PPP1R12A: variants seen among roughly 807,000 people sequenced by gnomAD.
PPP1R12A encodes myosin binding subunit.
A neutral mutation model predicts 139.6 loss-of-function variants in PPP1R12A; 19 were observed. The observed-to-expected ratio is 0.14, with a 90% CI of 0.09 to 0.20. PPP1R12A has a LOEUF of 0.20. Ranked by LOEUF, PPP1R12A falls within the 10% of genes least tolerant of loss-of-function variation. The probability of loss-of-function intolerance (pLI) is 1.00; values close to 1 mark genes in which losing one functional copy is unlikely to be tolerated. For missense variants in PPP1R12A, 925 were observed against 1,211.5 expected, an observed-to-expected ratio of 0.76 and a Z score of 3.51; for synonymous variants, 427 against 420.6, an observed-to-expected ratio of 1.02 and a Z score of -0.19.
At chr12:79,842,761 A>G (rs1878892282) in intron 3 of PPP1R12A, among the ~76,000 whole-genome samples, 1 of 152,070 alleles carries the variant, frequency 6.6e-6, no homozygotes, top group Non-Finnish European at 1.5e-5. Flanking sequence ...GCTGGAGCAC[A>G]GTGATGTGAT....
chr12:79,911,085 C>A (rs1886527774), intron 1 of PPP1R12A, among the ~76,000 whole-genome samples: 1 of 152,006 alleles, frequency 6.6e-6, no homozygotes, highest in African/African-American at 2.4e-5. Context: ...TTTACCCCTA[C>A]TACCAAATTA....
intron 11 of PPP1R12A, among the ~76,000 whole-genome samples, 194 bp from the exon 12 acceptor site, chr12:79,807,524 T>G (rs935124376): frequency 2.6e-5 from 4 of 151,850 alleles, no homozygotes; most frequent in African/African-American, 9.7e-5. Context: ...TTCCCCTAAG[T>G]ATGGGGGAAA....
At chr12:79,799,897 T>C (rs1027337555) in intron 14 of PPP1R12A, among the ~76,000 whole-genome samples, 1 of 152,018 alleles carries the variant, frequency 6.6e-6, no homozygotes, top group African/African-American at 2.4e-5. Flanking sequence ...TACTCCCAGT[T>C]ACTCGGGAGG....
chr12:79,860,416 C>G (rs1881188272), intron 2 of PPP1R12A, among the ~76,000 whole-genome samples: 1 of 152,092 alleles, frequency 6.6e-6, no homozygotes, highest in Non-Finnish European at 1.5e-5. Context: ...ATAATGAATA[C>G]TACACAGTGG....
intron 2 of PPP1R12A, among the ~76,000 whole-genome samples, chr12:79,855,732 T>G (rs1880572320): frequency 6.6e-6 from 1 of 151,806 alleles, no homozygotes; most frequent in African/African-American, 2.4e-5. Flanking sequence ...ACATTTACAG[T>G]TAAGTGAGAT....
At chr12:79,872,986 T>A (rs1882724467) in intron 1 of PPP1R12A, 48 bp from the exon 2 acceptor site, 6 of 1,551,624 alleles carry the variant, frequency 3.9e-6, no homozygotes, top group Non-Finnish European at 5.3e-6. Flanking sequence ...GAATTAACAC[T>A]CCAAATAATA....
At chr12:79,853,805 T>G (rs1255331408) in intron 2 of PPP1R12A, among the ~76,000 whole-genome samples, 1 of 152,264 alleles carries the variant, frequency 6.6e-6, no homozygotes, top group Non-Finnish European at 1.5e-5. Context: ...GCAAAAGTAC[T>G]ACTTATTGTT....
intron 14 of PPP1R12A, among the ~76,000 whole-genome samples, chr12:79,804,594 T>A (rs140884739): frequency 0.012 from 1,810 of 152,180 alleles, 37 homozygotes; most frequent in African/African-American, 0.042. Context: ...ACTCTGTATG[T>A]AAGTACTACG....
intron 22 of PPP1R12A, among the ~76,000 whole-genome samples, chr12:79,783,287 G>A (rs573156289): frequency 2.4e-4 from 27 of 114,600 alleles, no homozygotes; most frequent in South Asian, 8.3e-4. Flanking sequence ...GTGAAACCCC[G>A]TCTCTACCAA....
chr12:79,931,616 A>T (rs1478533123), intron 1 of PPP1R12A, among the ~76,000 whole-genome samples: 1 of 152,228 alleles, frequency 6.6e-6, no homozygotes, highest in Non-Finnish European at 1.5e-5. Context: ...AAATATGCTA[A>T]AATAGAGATA....
intron 1 of PPP1R12A, among the ~76,000 whole-genome samples, chr12:79,907,612 A>C (rs1429169793): frequency 6.6e-6 from 1 of 152,178 alleles, no homozygotes; most frequent in Admixed American, 6.5e-5. Flanking sequence ...TATAAAAATA[A>C]ATCTGTTCAG....
intron 2 of PPP1R12A, among the ~76,000 whole-genome samples, chr12:79,869,956 T>C (rs1055575527): frequency 1.3e-5 from 2 of 151,124 alleles, no homozygotes; most frequent in Non-Finnish European, 2.9e-5. Context: ...CTTTCATGCC[T>C]ATAAAACACT....
In PPP1R12A at chr12:79,925,275, T is replaced by C. The variant is rs78203554; in HGVS notation, c.237+9420A>G. Among the ~76,000 whole-genome samples, 829 of 152,308 alleles carry C rather than the reference T, an allele frequency of 5.4e-3. 5 individuals are homozygous for C. The highest frequency in any genetic ancestry group is 0.019 in the African/African-American group (788 of 41,550). ...GCATACGTGTACGTGTGTGTGTGTGTGTGTGTAACAGTCCATGAAAATATA... is the reference window on the plus strand; with the variant it reads ...GCATACGTGTACGTGTGTGTGTGTGCGTGTGTAACAGTCCATGAAAATATA... On this transcript the variant is annotated intron_variant, in intron 1 of 24. Transcript: ENST00000450142.
At chr12:79,828,923 A>C (rs1877099286) in intron 4 of PPP1R12A, among the ~76,000 whole-genome samples, 1 of 152,194 alleles carries the variant, frequency 6.6e-6, no homozygotes, top group Admixed American at 6.6e-5. Context: ...GGAATCAAAG[A>C]AACTTGTTTT....
intron 8 of PPP1R12A, chr12:79,819,372 G>T (rs971186250): frequency 1.3e-5 from 2 of 152,070 alleles, no homozygotes; most frequent in Non-Finnish European, 2.9e-5. Context: ...ATAGTTCCTT[G>T]GTGTCTAACA....
At chr12:79,807,366 A>T in intron 11 of PPP1R12A, 36 bp from the exon 12 acceptor site, 1 of 1,307,582 alleles carries the variant, frequency 7.6e-7, no homozygotes, top group Non-Finnish European at 1.1e-6. Context: ...CTGGTACATA[A>T]TTTTAAAATA....
chr12:79,801,937 C>T (rs556056144), intron 14 of PPP1R12A, among the ~76,000 whole-genome samples: 1 of 152,128 alleles, frequency 6.6e-6, no homozygotes, highest in Non-Finnish European at 1.5e-5. Context: ...AAAATTCCAT[C>T]ACTATTATAC....
chr12:79,871,877 T>C (rs1406666656), intron 2 of PPP1R12A, among the ~76,000 whole-genome samples: 1 of 152,168 alleles, frequency 6.6e-6, no homozygotes. Flanking sequence ...CCTCAGTTTA[T>C]ATACAAAGAA....
At chr12:79,868,068 A>G (rs1032440764) in intron 2 of PPP1R12A, among the ~76,000 whole-genome samples, 11 of 152,200 alleles carry the variant, frequency 7.2e-5, no homozygotes, top group Non-Finnish European at 1.3e-4. Context: ...TTCTTTTACA[A>G]AAATATTCCA....
Sources: gnomAD v4.1 joint callset for allele counts (sites outside exome capture counted in the v4.1 genomes callset) on GRCh38, gnomAD v4.1.1 for gene constraint, MANE v1.5 for transcripts, NCBI Gene and HGNC (gene_info 2026-07-23, HGNC 2026-07-21) for gene names.